Variants in LRCH1 observed in about 807,000 individuals in gnomAD.
The protein encoded by LRCH1 is leucine-rich repeat and calponin homology domain-containing protein 1.
Under a neutral mutation model 94.9 loss-of-function variants are expected in LRCH1, and 23 were observed. The ratio of observed to expected loss-of-function variants is 0.24; its 90% confidence interval spans 0.17 to 0.34. The LOEUF (loss-of-function observed/expected upper bound fraction) is 0.34. LRCH1 is among the 10% of genes least tolerant of loss of function. The probability of loss-of-function intolerance (pLI) is 1.00; values close to 1 mark genes in which losing one functional copy is unlikely to be tolerated. For synonymous variants in LRCH1, 364 were observed against 354.9 expected, an observed-to-expected ratio of 1.03 and a Z score of -0.29; for missense variants, 790 against 945.9, an observed-to-expected ratio of 0.84 and a Z score of 2.16.
At chr13:46,732,232 G>A (rs1156458365) in intron 18 of LRCH1, among the ~76,000 whole-genome samples, 1 of 152,174 alleles carries the variant, frequency 6.6e-6, no homozygotes, top group African/African-American at 2.4e-5. Flanking sequence ...GCCAAACTGA[G>A]GGAATATAGT....
intron 1 of LRCH1, among the ~76,000 whole-genome samples, chr13:46,617,164 C>T (rs1345435921): frequency 6.6e-6 from 1 of 152,126 alleles, no homozygotes; most frequent in East Asian, 1.9e-4. Context: ...GTCAGATAGC[C>T]TGTGTCAGGT....
intron 1 of LRCH1, among the ~76,000 whole-genome samples, chr13:46,637,053 C>T (rs2051099952): frequency 6.6e-6 from 1 of 152,156 alleles, no homozygotes; most frequent in Non-Finnish European, 1.5e-5. Context: ...TCTTGACCTG[C>T]CCCCCAATAT....
rs184744809 is a variant in LRCH1 at position 46,665,399 on chromosome 13, G to T, written c.453-3631G>T. ...TCCTTAATTTAGGAGTTAAGTGAGGGATAGTGGTACTTGAAGCCAAGATAA... is the reference window on the plus strand; with the variant it reads ...TCCTTAATTTAGGAGTTAAGTGAGGTATAGTGGTACTTGAAGCCAAGATAA... On this transcript the variant is annotated intron_variant, in intron 2 of 19. Coordinates refer to ENST00000389797, the MANE Select transcript of LRCH1 (RefSeq NM_001164211.2). 8.9e-4 allele frequency among the ~76,000 whole-genome samples: 135 copies of T among 152,330 alleles called. 1 individual carries two copies. The highest frequency in any genetic ancestry group is 6.8e-3 in the Middle Eastern group (2 of 294).
intron 1 of LRCH1, among the ~76,000 whole-genome samples, chr13:46,629,518 C>G (rs1474336035): frequency 6.6e-6 from 1 of 152,200 alleles, no homozygotes; most frequent in Non-Finnish European, 1.5e-5. Flanking sequence ...CCTTGTAACT[C>G]AGCCTTTGAT....
intron 1 of LRCH1, among the ~76,000 whole-genome samples, chr13:46,620,175 G>A (rs1401947740): frequency 6.6e-6 from 1 of 152,192 alleles, no homozygotes. Context: ...CCTATCCCCA[G>A]GCAACCAGTG....
intron 1 of LRCH1, among the ~76,000 whole-genome samples, chr13:46,587,455 G>A (rs768181373): frequency 5.9e-5 from 9 of 152,224 alleles, no homozygotes; most frequent in African/African-American, 1.7e-4. Flanking sequence ...ATAATGCTAC[G>A]TGTATGTGAA....
At chr13:46,559,039 TCCACACCCTATTC>T (rs1442130531) in intron 1 of LRCH1, among the ~76,000 whole-genome samples, 1 of 152,240 alleles carries the variant, frequency 6.6e-6, no homozygotes, top group Admixed American at 6.5e-5. Flanking sequence ...AAGGCTGACT[TCCACACCCTATTC>T]CCATCCTAAA....
chr13:46,567,417 C>T (rs941424298), intron 1 of LRCH1, among the ~76,000 whole-genome samples: 7 of 151,586 alleles, frequency 4.6e-5, no homozygotes, highest in Non-Finnish European at 1.0e-4. Flanking sequence ...GTGCAATTGA[C>T]GGCAAATAGA....
rs529679816 is a variant in LRCH1 at position 46,561,107 on chromosome 13, G to C, written c.307+7404G>C. ...GATATAGCTGGAGAAAAAAATCAGA[G>C]AAGAACAGTATGTTTGATTTGCATA... On this transcript the variant is annotated intron_variant, in intron 1 of 19. Transcript: ENST00000389797. Among the ~76,000 whole-genome samples the C allele has an allele frequency of 8.5e-5, 13 of 152,298 alleles. No individual in the cohort carries two copies. The East Asian group carries it at 2.5e-3, about 29-fold the overall frequency.
chr13:46,689,134 A>G lies in LRCH1; in HGVS notation c.952A>G (p.Lys318Glu). 6.2e-7 allele frequency: 1 copy of G among 1,609,636 alleles called. No individual in the cohort carries two copies. Among genetic ancestry groups the G allele is most frequent in the East Asian group, 2.2e-5 (1 of 44,730 alleles). The change falls in exon 7 of 20, where the codon AAG becomes GAG. Residue 318 changes from lysine to glutamate, a missense_variant and splice_region_variant. Lys to Glu is a moderately conservative substitution (Grantham distance 56). This residue lies in a region of LRCH1 where 194 missense variants were observed against 293.5 expected (regional missense o/e 0.66). Transcript: ENST00000389797. ...PHLHQHVEDG[K>E]KDSDSGVGSD... ...CAATATTGATGGCATCTATCTCAGC[A>G]AGAAGGATTCTGATTCGGGAGTTGG...
At chr13:46,651,982 G>T (rs1185480570) in intron 2 of LRCH1, among the ~76,000 whole-genome samples, 1 of 144,118 alleles carries the variant, frequency 6.9e-6, no homozygotes, top group East Asian at 2.0e-4. Context: ...CCGCCTCCCG[G>T]GTTCACGCCA....
At position 46,553,388 on chromosome 13, in the gene LRCH1, C is replaced by T. The variant is rs781211874; in HGVS notation, c.-9C>T. ...AGCGGCGGGGCGGGGTGGGGGGGCC[C>T]GGGAGAAGATGGCGACGCCGGGAAG... On this transcript the variant is annotated 5_prime_UTR_variant, in exon 1 of 20. Coordinates refer to ENST00000389797, the MANE Select transcript of LRCH1 (RefSeq NM_001164211.2). 1.5e-5 allele frequency: 23 copies of T among 1,526,588 alleles called. No individual in the cohort carries two copies. The African/African-American group carries it at 2.5e-4, about 16-fold the overall frequency. The allele number at this position is 1,526,588 out of a possible 1,614,324, so 94.6% of individuals were successfully genotyped here. A position where few individuals can be genotyped will look rare whatever the true frequency, so the allele number is the denominator to read the frequency against.
chr13:46,690,999 G>A (rs1870866706), intron 7 of LRCH1, among the ~76,000 whole-genome samples: 1 of 152,212 alleles, frequency 6.6e-6, no homozygotes, highest in Admixed American at 6.5e-5. Flanking sequence ...AAACAGGAAA[G>A]TGTGGAGCTC....
chr13:46,657,390 A>T (rs1197440202), intron 2 of LRCH1, among the ~76,000 whole-genome samples: 2 of 146,198 alleles, frequency 1.4e-5, no homozygotes, highest in Non-Finnish European at 3.0e-5. Context: ...AAAAAGAGAG[A>T]TTTTTTTTTT....
rs1872278014 is a variant in LRCH1, at chr13:46,715,578, C to T, written c.1673C>T (p.Pro558Leu). The T allele has an allele frequency of 6.5e-7, 1 of 1,536,972 alleles. No homozygotes were observed. The highest frequency in any genetic ancestry group is 8.7e-7 in the Non-Finnish European group (1 of 1,146,588). ...CCTGCAGACCCAGCCCTCATTCTTCCTCCTATCTCCTTCAACACACTTACA... is the reference window on the plus strand; with the variant it reads ...CCTGCAGACCCAGCCCTCATTCTTCTTCCTATCTCCTTCAACACACTTACA... The part of the protein sequence containing the change: ...KPRSDPALIL[P>L]PISFNTLTQA... Residue 558 changes from proline to leucine, a missense_variant, in exon 16 of 20, where the codon CCT becomes CTT. Physicochemically the swap from Pro to Leu is moderately conservative, Grantham distance 98. Coordinates refer to ENST00000389797, the MANE Select transcript of LRCH1 (RefSeq NM_001164211.2).
At chr13:46,562,908 C>A (rs780029724) in intron 1 of LRCH1, among the ~76,000 whole-genome samples, 4 of 152,212 alleles carry the variant, frequency 2.6e-5, no homozygotes, top group Non-Finnish European at 4.4e-5. Context: ...TATACACTTA[C>A]AAATGGATGA....
intron 1 of LRCH1, among the ~76,000 whole-genome samples, chr13:46,592,716 C>A (rs1232693104): frequency 6.6e-6 from 1 of 152,188 alleles, no homozygotes; most frequent in African/African-American, 2.4e-5. Context: ...CTCATTTGAT[C>A]ATGTCATCCT....
intron 2 of LRCH1, among the ~76,000 whole-genome samples, chr13:46,663,281 A>G (rs1174979253): frequency 6.6e-6 from 1 of 152,230 alleles, no homozygotes; most frequent in East Asian, 1.9e-4. Context: ...TTTTAGCTTT[A>G]TAGCATAAAA....
chr13:46,627,111 T>G (rs1206510084), intron 1 of LRCH1, among the ~76,000 whole-genome samples: 1 of 152,228 alleles, frequency 6.6e-6, no homozygotes, highest in Non-Finnish European at 1.5e-5. Context: ...TACTCATAGA[T>G]GTACTACTTG....
Sources: allele counts gnomAD v4.1 joint callset (sites outside exome capture counted in the v4.1 genomes callset), GRCh38; gene constraint gnomAD v4.1.1; regional missense constraint gnomAD v4.1.1; transcripts MANE v1.5; gene names NCBI Gene and HGNC (gene_info 2026-07-23, HGNC 2026-07-21).